PCSK2: variants seen among roughly 807,000 people sequenced by gnomAD.
The protein encoded by PCSK2 is neuroendocrine convertase 2.
In PCSK2, 14 loss-of-function variants were observed where a neutral mutation model predicts 69.7. The ratio of observed to expected loss-of-function variants is 0.20; its 90% CI spans 0.13 to 0.31. PCSK2 has a LOEUF of 0.31. PCSK2 is among the 10% of genes least tolerant of loss of function. The pLI, the probability that PCSK2 is intolerant of heterozygous loss-of-function variation, is 1.00. For missense variants in PCSK2, 544 were observed against 842.5 expected (o/e 0.65, Z 4.39); for synonymous variants, 307 against 320.7 (o/e 0.96, Z 0.46).
At chr20:17,389,948 T>G (rs753798377) in intron 5 of PCSK2, among the ~76,000 whole-genome samples, 1 of 152,192 alleles carries the variant, frequency 6.6e-6, no homozygotes, top group Non-Finnish European at 1.5e-5. Context: ...GGTATGTTTA[T>G]AAAATGGCAT....
intron 2 of PCSK2, among the ~76,000 whole-genome samples, chr20:17,352,479 T>A (rs1359355039): frequency 6.6e-6 from 1 of 152,132 alleles, no homozygotes; most frequent in Non-Finnish European, 1.5e-5. Context: ...CAAAGCAGCA[T>A]GGTAGTGGTA....
intron 4 of PCSK2, among the ~76,000 whole-genome samples, chr20:17,368,949 T>C (rs2030678854): frequency 6.6e-6 from 1 of 152,232 alleles, no homozygotes; most frequent in Non-Finnish European, 1.5e-5. Flanking sequence ...GCTTTAAAAA[T>C]GTCAAGATTT....
chr20:17,479,407 C>T, intron 11 of PCSK2: 1 of 644,768 alleles, frequency 1.6e-6, no homozygotes, highest in Non-Finnish European at 2.9e-6. Flanking sequence ...CCAACCTCGT[C>T]GCAGTGGCGA....
chr20:17,308,321 A>G (rs1427293042), intron 2 of PCSK2, among the ~76,000 whole-genome samples: 3 of 152,242 alleles, frequency 2.0e-5, no homozygotes, highest in African/African-American at 7.2e-5. Flanking sequence ...GATCCAAATC[A>G]TATTACATGA....
At chr20:17,266,237 G>A (rs2123012018) in intron 2 of PCSK2, among the ~76,000 whole-genome samples, 1 of 152,300 alleles carries the variant, frequency 6.6e-6, no homozygotes, top group Non-Finnish European at 1.5e-5. Context: ...TGAACTGAAG[G>A]CAGCTGAGTA....
chr20:17,245,312 G>A (rs1297360527), intron 1 of PCSK2, among the ~76,000 whole-genome samples: 1 of 152,198 alleles, frequency 6.6e-6, no homozygotes, highest in Non-Finnish European at 1.5e-5. Flanking sequence ...CTTGTTATCT[G>A]TGTGGAATTT....
Position 17,433,712 on chromosome 20 carries a change from C to G in PCSK2, c.710-2996C>G, listed in dbSNP as rs867072747. Among the ~76,000 whole-genome samples the G allele has an allele frequency of 2.0e-5, 3 of 152,026 alleles. No homozygotes were observed. In the South Asian group the frequency reaches 6.2e-4, roughly 32 times the overall value. On this transcript the variant is annotated intron_variant, in intron 7 of 11. Coordinates refer to ENST00000262545, the MANE Select transcript of PCSK2 (RefSeq NM_002594.5). ...AGAAACACTTGATGTGTGCCTGTGT[C>G]TGTTCTTGCCCATCAAATACACATA...
At chr20:17,463,110 T>C (rs541025161) in intron 10 of PCSK2, among the ~76,000 whole-genome samples, 1 of 148,728 alleles carries the variant, frequency 6.7e-6, no homozygotes, top group South Asian at 2.3e-4. Flanking sequence ...TTCCTTGTTC[T>C]GAAACATTAT....
At chr20:17,251,593 C>T (rs537898003) in intron 1 of PCSK2, among the ~76,000 whole-genome samples, 1 of 152,292 alleles carries the variant, frequency 6.6e-6, no homozygotes, top group South Asian at 2.1e-4. Context: ...ACAGACAGAA[C>T]CAATATTATT....
chr20:17,423,187 A>G (rs567204838), intron 6 of PCSK2, among the ~76,000 whole-genome samples: 2 of 152,250 alleles, frequency 1.3e-5, no homozygotes, highest in South Asian at 2.1e-4. Context: ...TTGATTTTAT[A>G]TGTTTTAGGG....
chr20:17,361,058 A>G (rs777454455), intron 4 of PCSK2, among the ~76,000 whole-genome samples: 1 of 152,206 alleles, frequency 6.6e-6, no homozygotes, highest in Non-Finnish European at 1.5e-5. Context: ...AGTTAAATAA[A>G]ATGTAAAATT....
intron 2 of PCSK2, among the ~76,000 whole-genome samples, chr20:17,280,100 G>T (rs1458292866): frequency 6.6e-6 from 1 of 151,908 alleles, no homozygotes; most frequent in Non-Finnish European, 1.5e-5. Context: ...ATGTCAACAT[G>T]GTTATACATG....
chr20:17,441,561 T>G (rs953002484), intron 8 of PCSK2, among the ~76,000 whole-genome samples: 2 of 152,140 alleles, frequency 1.3e-5, no homozygotes, highest in Admixed American at 6.5e-5. Flanking sequence ...GGACTTACAG[T>G]TCCACATAGC....
chr20:17,305,552 G>A (rs1443074677), intron 2 of PCSK2, among the ~76,000 whole-genome samples: 1 of 152,118 alleles, frequency 6.6e-6, no homozygotes, highest in Non-Finnish European at 1.5e-5. Context: ...ATTGAAACTG[G>A]TCACTTTAAT....
chr20:17,481,483 C>G, intron 11 of PCSK2, 101 bp from the exon 12 acceptor site: 1 of 1,066,276 alleles, frequency 9.4e-7, no homozygotes, highest in Non-Finnish European at 1.4e-6. Context: ...TTGATCAACC[C>G]CAAAGCCCTT....
At chr20:17,357,683 T>A (rs932365452) in intron 2 of PCSK2, among the ~76,000 whole-genome samples, 3 of 152,006 alleles carry the variant, frequency 2.0e-5, no homozygotes, top group Non-Finnish European at 4.4e-5. Flanking sequence ...TCACCTGAGA[T>A]TGGGAGTTCA....
chr20:17,409,571 A>T (rs1293463474), intron 6 of PCSK2, among the ~76,000 whole-genome samples: 2 of 152,336 alleles, frequency 1.3e-5, no homozygotes, highest in Admixed American at 6.5e-5. Flanking sequence ...ATTATTTGCT[A>T]CTTTAATCCA....
chr20:17,456,626 C>T (rs188943218), intron 10 of PCSK2, among the ~76,000 whole-genome samples, 178 bp downstream of exon 10: 1 of 152,184 alleles, frequency 6.6e-6, no homozygotes, highest in South Asian at 2.1e-4. Context: ...AGCACACGTG[C>T]GTGTGCATAC....
chr20:17,244,495 C>A (rs773448641), intron 1 of PCSK2, among the ~76,000 whole-genome samples: 8 of 152,160 alleles, frequency 5.3e-5, no homozygotes, highest in Non-Finnish European at 1.2e-4. Flanking sequence ...TACCTGGACC[C>A]TTGAGATGTA....
Sources: gnomAD v4.1 joint callset for allele counts (sites outside exome capture counted in the v4.1 genomes callset) on GRCh38, gnomAD v4.1.1 for gene constraint, MANE v1.5 for transcripts, NCBI Gene and HGNC (gene_info 2026-07-23, HGNC 2026-07-21) for gene names.